Variants in MBD5 observed in about 807,000 individuals in gnomAD.
The protein encoded by MBD5 is methyl-CpG-binding domain protein 5.
A neutral mutation model predicts 117.3 loss-of-function variants in MBD5; 13 were observed. The observed-to-expected ratio is 0.11, with a 90% confidence interval of 0.07 to 0.18. The LOEUF is 0.18. Among genes scored for constraint, MBD5 ranks in the 10% least tolerant of loss-of-function variants. MBD5 has a pLI of 1.00. For synonymous variants in MBD5, 727 were observed against 766.4 expected (o/e 0.95, Z 0.85); for missense variants, 1,879 against 2,093.8 (o/e 0.90, Z 2.00).
intron 4 of MBD5, among the ~76,000 whole-genome samples, chr2:148,426,037 A>T (rs1312609089): frequency 6.6e-6 from 1 of 152,180 alleles, no homozygotes; most frequent in African/African-American, 2.4e-5. Context: ...ATCATGAGGG[A>T]ACTCCCATTC....
chr2:148,318,536 G>T (rs1702209168), intron 3 of MBD5, among the ~76,000 whole-genome samples: 1 of 151,834 alleles, frequency 6.6e-6, no homozygotes, highest in South Asian at 2.1e-4. Flanking sequence ...TCTTTGTCTA[G>T]GTCAATGTTC....
chr2:148,161,572 C>T (rs1241343258), intron 1 of MBD5, among the ~76,000 whole-genome samples: 2 of 152,096 alleles, frequency 1.3e-5, no homozygotes, highest in African/African-American at 4.8e-5. Flanking sequence ...TCTTCCTTCA[C>T]GTTGCAGTAG....
At position 148,021,680 on chromosome 2, in the gene MBD5, G is replaced by T. The variant is rs1257989831; in HGVS notation, c.-929G>T. 5 of 382,276 alleles carry T rather than the reference G, an allele frequency of 1.3e-5. No individual in the cohort carries two copies. Among genetic ancestry groups the T allele is most frequent in the Non-Finnish European group, 2.6e-5 (5 of 193,266 alleles). The allele number at this position is 382,276 out of a possible 1,614,324, so 23.7% of individuals were successfully genotyped here. On this transcript the variant is annotated 5_prime_UTR_variant, in exon 1 of 14. Transcript: ENST00000642680. ...GAAGGCACTCAAAAGTGGGGGGCAGGAAAGGTAAGTGTGTCTGTGGGGGCT... is the reference window on the plus strand; with the variant it reads ...GAAGGCACTCAAAAGTGGGGGGCAGTAAAGGTAAGTGTGTCTGTGGGGGCT...
At chr2:148,141,773 C>T (rs1338038722) in intron 1 of MBD5, among the ~76,000 whole-genome samples, 1 of 146,944 alleles carries the variant, frequency 6.8e-6, no homozygotes, top group Non-Finnish European at 1.5e-5. Flanking sequence ...GCCTAGGTGA[C>T]AGAGCAAGAC....
chr2:148,125,651 G>A (rs1379931056), intron 1 of MBD5, among the ~76,000 whole-genome samples: 1 of 152,098 alleles, frequency 6.6e-6, no homozygotes, highest in Non-Finnish European at 1.5e-5. Flanking sequence ...CAACCTCTCT[G>A]GTTTCTCCAG....
At chr2:148,382,493 C>G (rs1704183924) in intron 4 of MBD5, among the ~76,000 whole-genome samples, 1 of 152,162 alleles carries the variant, frequency 6.6e-6, no homozygotes, top group African/African-American at 2.4e-5. Context: ...TAGACTCCCA[C>G]ACAATAATAA....
intron 4 of MBD5, among the ~76,000 whole-genome samples, chr2:148,429,554 T>A (rs1206368306): frequency 6.6e-6 from 1 of 152,130 alleles, no homozygotes; most frequent in East Asian, 1.9e-4. Context: ...CACATATGTT[T>A]ATTGTGATAC....
intron 1 of MBD5, among the ~76,000 whole-genome samples, chr2:148,050,845 C>G (rs565776867): frequency 6.6e-6 from 1 of 152,158 alleles, no homozygotes; most frequent in African/African-American, 2.4e-5. Flanking sequence ...AGTGTGTTTC[C>G]TTACTATAGT....
At chr2:148,031,339 TAA>T (rs35688557) in intron 1 of MBD5, among the ~76,000 whole-genome samples, 2 of 149,842 alleles carry the variant, frequency 1.3e-5, no homozygotes, top group Admixed American at 6.6e-5. Context: ...ATATGCCTTG[TAA>T]AAAAAAAAGC....
intron 2 of MBD5, among the ~76,000 whole-genome samples, chr2:148,214,956 A>T (rs1699516399): frequency 6.6e-6 from 1 of 152,150 alleles, no homozygotes; most frequent in African/African-American, 2.4e-5. Context: ...ATTTACCTTT[A>T]TTGTCATTGT....
intron 5 of MBD5, among the ~76,000 whole-genome samples, chr2:148,461,275 G>C (rs1457182057): frequency 6.6e-6 from 1 of 151,950 alleles, no homozygotes; most frequent in Non-Finnish European, 1.5e-5. Context: ...AAGACATCTT[G>C]TTGCCCTTCC....
At chr2:148,257,373 G>A (rs1035512796) in intron 3 of MBD5, among the ~76,000 whole-genome samples, 6 of 152,186 alleles carry the variant, frequency 3.9e-5, no homozygotes, top group Non-Finnish European at 5.9e-5. Context: ...GAGCTAAATG[G>A]GGCATAAATG....
At chr2:148,261,889 T>C (rs1216469178) in intron 3 of MBD5, among the ~76,000 whole-genome samples, 1 of 152,174 alleles carries the variant, frequency 6.6e-6, no homozygotes, top group Non-Finnish European at 1.5e-5. Context: ...TTGGCCTAAT[T>C]TGAATATTGT....
chr2:148,287,782 C>T (rs1329141326), intron 3 of MBD5, among the ~76,000 whole-genome samples: 1 of 152,112 alleles, frequency 6.6e-6, no homozygotes, highest in Non-Finnish European at 1.5e-5. Context: ...AACAAACTCA[C>T]TCTCACAATA....
intron 1 of MBD5, among the ~76,000 whole-genome samples, chr2:148,170,824 C>T (rs557351466): frequency 6.6e-6 from 1 of 152,206 alleles, no homozygotes; most frequent in South Asian, 2.1e-4. Context: ...ACTGATTCTA[C>T]AGAAACAGAA....
At chr2:148,479,364 G>C (rs951409961) in intron 8 of MBD5, among the ~76,000 whole-genome samples, 3 of 152,024 alleles carry the variant, frequency 2.0e-5, no homozygotes, top group African/African-American at 7.3e-5. Flanking sequence ...CTTTCCCTTT[G>C]TCCACAAACA....
At chr2:148,384,263 T>A (rs1450217692) in intron 4 of MBD5, among the ~76,000 whole-genome samples, 2 of 152,124 alleles carry the variant, frequency 1.3e-5, no homozygotes, top group Non-Finnish European at 2.9e-5. Context: ...TTCAGCAAAG[T>A]CTCAGGATAC....
intron 1 of MBD5, among the ~76,000 whole-genome samples, chr2:148,177,817 C>T (rs1280575105): frequency 6.6e-6 from 1 of 152,056 alleles, no homozygotes; most frequent in African/African-American, 2.4e-5. Flanking sequence ...GAAAAACCGA[C>T]ATCTGCACTA....
chr2:148,254,192 G>A (rs963715306), intron 3 of MBD5, among the ~76,000 whole-genome samples: 1 of 152,200 alleles, frequency 6.6e-6, no homozygotes, highest in Admixed American at 6.5e-5. Context: ...CAAGGCTCTT[G>A]ACTGCCTTAA....
Sources: allele counts gnomAD v4.1 joint callset (sites outside exome capture counted in the v4.1 genomes callset), GRCh38; gene constraint gnomAD v4.1.1; transcripts MANE v1.5; gene names NCBI Gene and HGNC (gene_info 2026-07-23, HGNC 2026-07-21).